The following NF1 variants were observed in gnomAD, a reference collection of about 807,000 sequenced individuals.
NF1 encodes neurofibromin 1, also known as neurofibromin.
Under a neutral mutation model 325.7 loss-of-function variants are expected in NF1, and 122 were observed. The observed-to-expected ratio is 0.37, with a 90% CI of 0.32 to 0.44. The LOEUF is 0.44. Ranked by LOEUF, NF1 falls within the 20% of genes least tolerant of loss-of-function variation. The pLI, the probability that NF1 is intolerant of heterozygous loss-of-function variation, is 1.00. For synonymous variants in NF1, 1,091 were observed against 1,186.0 expected (o/e 0.92, Z 1.65); for missense variants, 2,140 against 3,415.4 (o/e 0.63, Z 9.31).
intron 55 of NF1, 136 bp downstream of exon 55, chr17:31,358,758 T>G: frequency 7.9e-7 from 1 of 1,264,038 alleles, no homozygotes; most frequent in African/African-American, 1.5e-5. Context: ...ATTTTTTTAC[T>G]CTCTCAACTG....
intron 8 of NF1, among the ~76,000 whole-genome samples, chr17:31,190,382 C>T (rs906271755): frequency 6.6e-6 from 1 of 152,164 alleles, no homozygotes; most frequent in Non-Finnish European, 1.5e-5. Flanking sequence ...CCCATATATT[C>T]AAATGCAAAA....
At chr17:31,249,482 TCTC>T (rs1198760602) in intron 30 of NF1, among the ~76,000 whole-genome samples, 2 of 152,108 alleles carry the variant, frequency 1.3e-5, no homozygotes, top group South Asian at 2.1e-4. Flanking sequence ...TTGAGGCGGG[TCTC>T]CTCCTTGCTT....
At chr17:31,371,033 A>T (rs1213668383) in intron 57 of NF1, among the ~76,000 whole-genome samples, 1 of 152,164 alleles carries the variant, frequency 6.6e-6, no homozygotes, top group African/African-American at 2.4e-5. Context: ...AAAAAGTTCT[A>T]TCTTTTCAAC....
At chr17:31,258,251 G>C in intron 31 of NF1, 93 bp from the exon 32 acceptor site, 1 of 1,381,108 alleles carries the variant, frequency 7.2e-7, no homozygotes, top group South Asian at 1.2e-5. Context: ...TTGATTCAGA[G>C]TTTTTATGCA....
chr17:31,204,089 A>G (rs1335895672), intron 11 of NF1, among the ~76,000 whole-genome samples: 1 of 152,138 alleles, frequency 6.6e-6, no homozygotes, highest in Non-Finnish European at 1.5e-5. Context: ...TGTTATATGC[A>G]TAATCTTCAT....
chr17:31,101,386 G>A (rs1912328510), intron 1 of NF1, among the ~76,000 whole-genome samples: 1 of 151,960 alleles, frequency 6.6e-6, no homozygotes, highest in African/African-American at 2.4e-5. Context: ...ATAGATCCTT[G>A]ATTTCCTCAT....
At chr17:31,351,996 T>C (rs1206008268) in intron 50 of NF1, among the ~76,000 whole-genome samples, 1 of 152,158 alleles carries the variant, frequency 6.6e-6, no homozygotes, top group East Asian at 1.9e-4. Context: ...ACCTTTTTAT[T>C]TGTCAGCTTT....
At chr17:31,226,943 A>T (rs2067025649) in intron 18 of NF1, among the ~76,000 whole-genome samples, 1 of 152,218 alleles carries the variant, frequency 6.6e-6, no homozygotes, top group South Asian at 2.1e-4. Context: ...TGATTATGTA[A>T]TTTACTCTGC....
rs2069605938 is a variant in NF1 at position 31,334,936 on chromosome 17, G to C, written c.5911G>C (p.Val1971Leu). The C allele has an allele frequency of 6.2e-7, 1 of 1,613,690 alleles. No individual in the cohort carries two copies. The highest frequency in any genetic ancestry group is 1.1e-5 in the South Asian group (1 of 91,056). ...KHNDDAKRQR[V>L]TAILDKLITM... ...TAATGATGATGCCAAACGACAAAGA[G>C]TTACTGCTATTCTTGACAAGCTGAT... Residue 1971 changes from valine to leucine, a missense_variant, in exon 40 of 58, where the codon GTT becomes CTT. By Grantham distance (32) the Val-to-Leu change is conservative. Coordinates refer to ENST00000358273, the MANE Select transcript of NF1 (RefSeq NM_001042492.3).
intron 36 of NF1, among the ~76,000 whole-genome samples, chr17:31,311,413 G>A (rs541040412): frequency 6.6e-6 from 1 of 152,184 alleles, no homozygotes; most frequent in Non-Finnish European, 1.5e-5. Context: ...ATAGATAGCT[G>A]TATCAATTAC....
intron 2 of NF1, 61 bp downstream of exon 2, chr17:31,156,187 T>C (rs2065659087): frequency 6.4e-7 from 1 of 1,562,912 alleles, no homozygotes; most frequent in African/African-American, 1.4e-5. Flanking sequence ...GATTAAAAAG[T>C]TTAGAACAGC....
At chr17:31,303,773 A>G (rs550406665) in intron 36 of NF1, 1 of 152,460 alleles carries the variant, frequency 6.6e-6, no homozygotes, top group African/African-American at 2.4e-5. Flanking sequence ...AAATTTCTCT[A>G]TTCTCAAACA....
intron 13 of NF1, among the ~76,000 whole-genome samples, chr17:31,215,400 G>A (rs1376419032): frequency 6.6e-6 from 1 of 152,194 alleles, no homozygotes; most frequent in Non-Finnish European, 1.5e-5. Context: ...GAGTCATAAT[G>A]AAGTGATTAA....
intron 36 of NF1, among the ~76,000 whole-genome samples, chr17:31,277,135 T>C (rs1597770012): frequency 6.6e-6 from 1 of 152,316 alleles, no homozygotes. Flanking sequence ...CTTCATCCTC[T>C]TTATCTTCAT....
intron 16 of NF1, 139 bp from the exon 17 acceptor site, chr17:31,224,956 A>ATGGG: frequency 1.2e-6 from 1 of 820,664 alleles, no homozygotes; most frequent in Non-Finnish European, 2.0e-6. Flanking sequence ...TTTCTAGTGA[A>ATGGG]TCTCCTTCAA....
chr17:31,270,454 A>G (rs552499321), intron 36 of NF1, among the ~76,000 whole-genome samples: 39 of 152,250 alleles, frequency 2.6e-4, no homozygotes, highest in African/African-American at 8.7e-4. Flanking sequence ...ACGGAAGAAT[A>G]CAAAAATCAG....
chr17:31,164,002 A>G (rs1168269299), intron 4 of NF1, among the ~76,000 whole-genome samples: 1 of 152,240 alleles, frequency 6.6e-6, no homozygotes, highest in Non-Finnish European at 1.5e-5. Context: ...AAATACTGCC[A>G]TTTATTGAGT....
Position 31,327,717 on chromosome 17 carries a change from C to T in NF1, c.5487C>T (p.Thr1829=), listed in dbSNP as rs2151541530. The stretch of plus-strand genomic sequence containing the variant: ...TCCAGTCTATCATTCATATCCGGAC[C>T]CGCTGGGAACTGTCACAGCCCGACT... ...AIVQSIIHIR[T]RWELSQPDSI... Residue 1829 remains threonine (T), a synonymous_variant, in exon 38 of 58, where the codon ACC becomes ACT. Transcript: ENST00000358273. The T allele has an allele frequency of 1.2e-6, 2 of 1,614,120 alleles. No individual in the cohort carries two copies. The highest frequency in any genetic ancestry group is 1.7e-6 in the Non-Finnish European group (2 of 1,180,012).
At chr17:31,104,076 C>A (rs1382840608) in intron 1 of NF1, among the ~76,000 whole-genome samples, 1 of 151,668 alleles carries the variant, frequency 6.6e-6, no homozygotes, top group South Asian at 2.1e-4. Context: ...ATTTGGGTAC[C>A]GGCCACTGCA....
Sources: allele counts gnomAD v4.1 joint callset (sites outside exome capture counted in the v4.1 genomes callset), GRCh38; gene constraint gnomAD v4.1.1; transcripts MANE v1.5; gene names NCBI Gene and HGNC (gene_info 2026-07-23, HGNC 2026-07-21).